Variants in SYT10 observed in about 807,000 individuals in gnomAD.
SYT10 encodes synaptotagmin 10.
A neutral mutation model predicts 51.1 loss-of-function variants in SYT10; 31 were observed. The observed-to-expected ratio is 0.61, with a 90% CI of 0.46 to 0.82. The LOEUF is 0.82. Among genes scored for constraint, SYT10 ranks in the 40% least tolerant of loss-of-function variants. The probability of loss-of-function intolerance (pLI) is 0.00; values close to 1 mark genes in which losing one functional copy is unlikely to be tolerated. For missense variants in SYT10, 603 were observed against 634.0 expected (o/e 0.95, Z 0.53); for synonymous variants, 233 against 225.9 (o/e 1.03, Z -0.28).
At position 33,379,954 on chromosome 12, in the gene SYT10, G is replaced by T. The variant is rs1241555230; in HGVS notation, c.1378C>A (p.His460Asn). 6.2e-7 allele frequency: 1 copy of T among 1,607,424 alleles called. No individual in the cohort carries two copies. Among genetic ancestry groups the T allele is most frequent in the Non-Finnish European group, 8.5e-7 (1 of 1,176,252 alleles). Residue 460 changes from histidine (H) to asparagine (N), a missense_variant, in exon 6 of 7, where the codon CAC (histidine) becomes AAC (asparagine). Coordinates refer to ENST00000228567, the MANE Select transcript of SYT10 (RefSeq NM_198992.4). The part of the protein sequence containing the change: ...IAVMDYDRVG[H>N]NEVIGVCRTG... ...CTGCACACTCCTATGACCTCATTGT[G>T]TCCTACCCTATGATTTGTGGGATAT... is the stretch of plus-strand genomic sequence containing the variant.
intron 2 of SYT10, chr12:33,408,336 C>A (rs530044377): frequency 1.3e-5 from 2 of 151,866 alleles, no homozygotes; most frequent in African/African-American, 2.4e-5. Flanking sequence ...TAAAAACAAA[C>A]GTAGAATTTT....
chr12:33,406,578 G>GT (rs1458141941), intron 3 of SYT10, among the ~76,000 whole-genome samples: 1 of 150,936 alleles, frequency 6.6e-6, no homozygotes, highest in Non-Finnish European at 1.5e-5. Context: ...TAAGAGCTAC[G>GT]TTTTTTTATT....
At chr12:33,431,762 T>C (rs1011401405) in intron 1 of SYT10, among the ~76,000 whole-genome samples, 2 of 152,164 alleles carry the variant, frequency 1.3e-5, no homozygotes, top group African/African-American at 2.4e-5. Context: ...TAAGAGAATA[T>C]TGAAGAAAAT....
At chr12:33,381,136 C>G (rs1350387583) in intron 5 of SYT10, among the ~76,000 whole-genome samples, 1 of 152,074 alleles carries the variant, frequency 6.6e-6, no homozygotes, top group Non-Finnish European at 1.5e-5. Flanking sequence ...GAATAGGGCC[C>G]CTGATGAAAA....
intron 3 of SYT10, 126 bp downstream of exon 3, chr12:33,406,663 C>T (rs1866355402): frequency 5.1e-6 from 4 of 787,172 alleles, no homozygotes; most frequent in Non-Finnish European, 7.7e-6. Context: ...GAAATTCTAC[C>T]TTTGCAGGAT....
At chr12:33,401,812 G>A (rs1444284623) in intron 3 of SYT10, among the ~76,000 whole-genome samples, 3 of 152,090 alleles carry the variant, frequency 2.0e-5, no homozygotes, top group South Asian at 4.1e-4. Context: ...AATCTCATAT[G>A]AAAATTTGCT....
chr12:33,435,458 C>T (rs1371316105), intron 1 of SYT10, among the ~76,000 whole-genome samples: 1 of 152,144 alleles, frequency 6.6e-6, no homozygotes, highest in Non-Finnish European at 1.5e-5. Context: ...AGAAGTTGGC[C>T]ACTCTTCAGT....
At chr12:33,430,648 A>G (rs1488643229) in intron 1 of SYT10, among the ~76,000 whole-genome samples, 1 of 152,206 alleles carries the variant, frequency 6.6e-6, no homozygotes, top group East Asian at 1.9e-4. Context: ...AATGTACAAA[A>G]TGTACAAAAA....
At chr12:33,409,755 A>G (rs1023456491) in intron 2 of SYT10, among the ~76,000 whole-genome samples, 7 of 151,984 alleles carry the variant, frequency 4.6e-5, no homozygotes, top group African/African-American at 1.7e-4. Flanking sequence ...GATCTCAAAG[A>G]AGAGTTTACA....
Position 33,439,628 on chromosome 12 carries a change from G to C in SYT10, c.-106C>G, listed in dbSNP as rs538050418. The C allele has an allele frequency of 3.1e-5, 43 of 1,393,752 alleles. 1 individual carries two copies. The South Asian group carries it at 5.6e-4, about 18-fold the overall frequency. The allele number at this position is 1,393,752 out of a possible 1,614,324, so 86.3% of individuals were successfully genotyped here. Reference sequence around the variant, plus strand: ...CCCTAAGCCATAGTCCGCCCGCGGTGACTTTGGCTGGAGATTGCGCCGCTG... The same window carrying C: ...CCCTAAGCCATAGTCCGCCCGCGGTCACTTTGGCTGGAGATTGCGCCGCTG... On this transcript the variant is annotated 5_prime_UTR_variant, in exon 1 of 7. Transcript: ENST00000228567.
intron 3 of SYT10, among the ~76,000 whole-genome samples, chr12:33,400,659 C>A (rs1257260763): frequency 1.3e-5 from 2 of 151,954 alleles, no homozygotes; most frequent in East Asian, 3.9e-4. Context: ...AAAAGGAAAT[C>A]TTTTCCTTGT....
chr12:33,411,634 T>G (rs1433275080), intron 2 of SYT10, among the ~76,000 whole-genome samples: 1 of 152,162 alleles, frequency 6.6e-6, no homozygotes, highest in African/African-American at 2.4e-5. Context: ...TTATCTCAGG[T>G]GAGAGAATTG....
Position 33,406,827 on chromosome 12 carries a change from C to G in SYT10, c.1039G>C (p.Glu347Gln). 6.2e-7 allele frequency: 1 copy of G among 1,613,660 alleles called. No individual in the cohort carries two copies. The highest frequency in any genetic ancestry group is 1.3e-5 in the African/African-American group (1 of 75,036). ...TGAATATCTTTCCATACTGTGGCTT[C>G]CCTGGAGAGATCAGAGACTTCAAAC... Reference protein sequence around the residue: ...NLFEVSDLSREATVWKDIHCA... With the variant: ...NLFEVSDLSRQATVWKDIHCA... The change falls in exon 3 of 7, where the codon GAA becomes CAA. Residue 347 changes from glutamate (E) to glutamine (Q), a missense_variant. Physicochemically the swap from Glu to Gln is conservative, Grantham distance 29. Transcript: ENST00000228567.
At chr12:33,398,240 G>C (rs7314820) in intron 3 of SYT10, among the ~76,000 whole-genome samples, 1 of 151,890 alleles carries the variant, frequency 6.6e-6, no homozygotes, top group Non-Finnish European at 1.5e-5. Flanking sequence ...CAGGCCGGGC[G>C]CGGTGGCTCA....
At position 33,417,056 on chromosome 12, in the gene SYT10, GTAAT is replaced by G. The variant is rs544774151; in HGVS notation, c.509+9078_509+9081del. ...TTTTCTTAGTAAAATGGGAAGTAAGGTAATTAATTAAAACTGAGAAGAGGAAGAA... is the reference window on the plus strand; with the variant it reads ...TTTTCTTAGTAAAATGGGAAGTAAGGTAATTAAAACTGAGAAGAGGAAGAA... On this transcript the variant is annotated intron_variant, in intron 2 of 6. Coordinates refer to ENST00000228567, the MANE Select transcript of SYT10 (RefSeq NM_198992.4). Among the ~76,000 whole-genome samples the G allele has an allele frequency of 3.3e-3, 501 of 152,292 alleles. 1 individual carries two copies. Among genetic ancestry groups the G allele is most frequent in the African/African-American group, 0.012 (478 of 41,554 alleles).
Position 33,426,430 on chromosome 12 carries a change from G to A in SYT10, c.217C>T (p.Leu73Phe). 1 of 1,613,714 alleles carries A rather than the reference G, an allele frequency of 6.2e-7. No homozygotes were observed. The highest frequency in any genetic ancestry group is 8.5e-7 in the Non-Finnish European group (1 of 1,179,886). ...FCGLALLVVS[L>F]FVFWKLCWPC... The stretch of plus-strand genomic sequence containing the variant: ...CAACACAGCTTCCAGAAGACAAAAA[G>A]TGAGACAACCAACAAGGCCAGTCCA... The change falls in exon 2 of 7, where the codon CTT becomes TTT. Residue 73 changes from leucine (L) to phenylalanine (F), a missense_variant. By Grantham distance (22) the Leu-to-Phe change is conservative. Transcript: ENST00000228567.
At chr12:33,434,982 A>G (rs983760936) in intron 1 of SYT10, among the ~76,000 whole-genome samples, 7 of 152,192 alleles carry the variant, frequency 4.6e-5, no homozygotes, top group African/African-American at 1.7e-4. Flanking sequence ...ATATAATCAC[A>G]TGTTCAAAAT....
intron 2 of SYT10, among the ~76,000 whole-genome samples, chr12:33,409,979 G>A (rs1866392226): frequency 6.6e-6 from 1 of 152,186 alleles, no homozygotes; most frequent in Admixed American, 6.5e-5. Context: ...TAATATAAAG[G>A]AACGTTTAAA....
intron 5 of SYT10, among the ~76,000 whole-genome samples, chr12:33,381,834 G>A (rs2138383294): frequency 6.6e-6 from 1 of 152,248 alleles, no homozygotes; most frequent in East Asian, 1.9e-4. Context: ...TTGATGTGAA[G>A]GCATCAAAGC....
Sources: allele counts gnomAD v4.1 joint callset (sites outside exome capture counted in the v4.1 genomes callset), GRCh38; gene constraint gnomAD v4.1.1; transcripts MANE v1.5; gene names NCBI Gene and HGNC (gene_info 2026-07-23, HGNC 2026-07-21).